Variants in ADAMTS9 observed in about 807,000 individuals in gnomAD.
The protein encoded by ADAMTS9 is A disintegrin and metalloproteinase with thrombospondin motifs 9.
Under a neutral mutation model 257.1 loss-of-function variants are expected in ADAMTS9, and 107 were observed. The observed-to-expected ratio is 0.42, with a 90% CI of 0.36 to 0.49. The LOEUF (loss-of-function observed/expected upper bound fraction) is 0.49. Ranked by LOEUF, ADAMTS9 falls within the 20% of genes least tolerant of loss-of-function variation. The pLI is 0.03. For synonymous variants in ADAMTS9, 982 were observed against 880.9 expected, an observed-to-expected ratio of 1.11 and a Z score of -2.03; for missense variants, 2,353 against 2,469.1, an observed-to-expected ratio of 0.95 and a Z score of 1.00.
At chr3:64,607,961 A>C (rs2084589083) in intron 22 of ADAMTS9, among the ~76,000 whole-genome samples, 1 of 152,196 alleles carries the variant, frequency 6.6e-6, no homozygotes, top group Non-Finnish European at 1.5e-5. Context: ...TGAGGCAAGA[A>C]ATCGGTAATA....
intron 30 of ADAMTS9, among the ~76,000 whole-genome samples, chr3:64,555,030 G>A (rs2083315301): frequency 6.6e-6 from 1 of 152,202 alleles, no homozygotes; most frequent in Admixed American, 6.5e-5. Flanking sequence ...CCGCTTGAGA[G>A]TCACAGGCTC....
chr3:64,521,974 G>C (rs886861447), intron 39 of ADAMTS9, among the ~76,000 whole-genome samples, 192 bp downstream of exon 39: 1 of 152,230 alleles, frequency 6.6e-6, no homozygotes, highest in African/African-American at 2.4e-5. Flanking sequence ...GGGAAGCCAT[G>C]TCTAATGGCA....
At chr3:64,585,666 G>C (rs1014530978) in intron 28 of ADAMTS9, among the ~76,000 whole-genome samples, 1 of 152,066 alleles carries the variant, frequency 6.6e-6, no homozygotes, top group African/African-American at 2.4e-5. Flanking sequence ...TCACCTGACT[G>C]GCTCTAATAA....
intron 22 of ADAMTS9, among the ~76,000 whole-genome samples, chr3:64,607,996 A>AT (rs1483351083): frequency 6.6e-6 from 1 of 152,192 alleles, no homozygotes; most frequent in Admixed American, 6.5e-5. Flanking sequence ...AAATTCACAA[A>AT]TATGTGAAAA....
intron 37 of ADAMTS9, among the ~76,000 whole-genome samples, chr3:64,536,394 G>A (rs1170293394): frequency 6.6e-6 from 1 of 152,186 alleles, no homozygotes; most frequent in Non-Finnish European, 1.5e-5. Context: ...ACCACCTTCT[G>A]TTGCCTATTC....
chr3:64,525,375 G>C (rs1402438978), intron 38 of ADAMTS9, among the ~76,000 whole-genome samples: 2 of 151,886 alleles, frequency 1.3e-5, no homozygotes, highest in Non-Finnish European at 2.9e-5. Flanking sequence ...TCCACCCTCT[G>C]CGCCTGCACA....
intron 12 of ADAMTS9, among the ~76,000 whole-genome samples, chr3:64,638,842 T>C (rs537579264): frequency 6.6e-6 from 1 of 151,966 alleles, no homozygotes; most frequent in South Asian, 2.1e-4. Flanking sequence ...GCTAAATAAA[T>C]ACACTCTTGA....
rs1178413407 is a variant in ADAMTS9 at position 64,601,963 on chromosome 3, C to A, written c.3998G>T (p.Arg1333Ile). The A allele has an allele frequency of 6.2e-7, 1 of 1,609,828 alleles. No homozygotes were observed. Among genetic ancestry groups the A allele is most frequent in the Non-Finnish European group, 8.5e-7 (1 of 1,177,534 alleles). ...RTHVLGGNQW[R>I]TGPWGACSST... is the part of the protein sequence containing the mutation. ...ACTCACTGCTCCCCAGGGGCCAGTT[C>A]TCCACTGGTTTCCACCGAGCACATG... Residue 1333 changes from arginine (R) to isoleucine (I), a missense_variant, in exon 26 of 40, where the codon AGA (arginine) becomes ATA (isoleucine). By Grantham distance (97) the Arg-to-Ile change is moderately conservative. Coordinates refer to ENST00000498707, the MANE Select transcript of ADAMTS9 (RefSeq NM_182920.2).
At chr3:64,573,841 T>A (rs2083762201) in intron 28 of ADAMTS9, among the ~76,000 whole-genome samples, 1 of 152,160 alleles carries the variant, frequency 6.6e-6, no homozygotes, top group Non-Finnish European at 1.5e-5. Context: ...TACCTACTAT[T>A]CCACTGAAGA....
Position 64,647,836 on chromosome 3 carries a change from C to T in ADAMTS9, c.1710+104G>A, listed in dbSNP as rs552925510. Reference sequence around the variant, plus strand: ...CTAAAAAATATTATGCAAGCTAAAACAGACTGCATTGTCTTATATTCTAAA... The same window carrying T: ...CTAAAAAATATTATGCAAGCTAAAATAGACTGCATTGTCTTATATTCTAAA... On this transcript the variant is annotated intron_variant, in intron 11 of 39. Transcript: ENST00000498707. 4 of 956,444 alleles carry T rather than the reference C, an allele frequency of 4.2e-6. No homozygotes were observed. In the African/African-American group the frequency reaches 6.6e-5, roughly 16 times the overall value. The allele number at this position is 956,444 out of a possible 1,614,324, so 59.2% of individuals were successfully genotyped here. A position where few individuals can be genotyped will look rare whatever the true frequency, so the allele number is the denominator to read the frequency against.
At chr3:64,604,472 C>T in intron 23 of ADAMTS9, 141 bp from the exon 24 acceptor site, 1 of 575,996 alleles carries the variant, frequency 1.7e-6, no homozygotes, top group Non-Finnish European at 3.0e-6. Context: ...AGTCACATGA[C>T]ATCTCTCAGT....
At chr3:64,635,626 C>G (rs892735662) in intron 12 of ADAMTS9, among the ~76,000 whole-genome samples, 9 of 152,108 alleles carry the variant, frequency 5.9e-5, no homozygotes, top group African/African-American at 2.2e-4. Flanking sequence ...AGTGACAGGA[C>G]GTTTAGAGAA....
chr3:64,530,372 A>T (rs959856449), intron 38 of ADAMTS9, among the ~76,000 whole-genome samples: 10 of 151,888 alleles, frequency 6.6e-5, no homozygotes, highest in Admixed American at 2.6e-4. Context: ...GCTTCTCTGG[A>T]CCACACGGGG....
At chr3:64,598,731 T>C (rs573144477) in intron 26 of ADAMTS9, among the ~76,000 whole-genome samples, 1 of 152,318 alleles carries the variant, frequency 6.6e-6, no homozygotes, top group Admixed American at 6.5e-5. Context: ...AGGAAGGGCC[T>C]TTCATGGTAT....
intron 8 of ADAMTS9, among the ~76,000 whole-genome samples, chr3:64,652,360 T>C (rs781767531): frequency 3.9e-5 from 6 of 152,242 alleles, no homozygotes; most frequent in Non-Finnish European, 8.8e-5. Flanking sequence ...AACTTAGAAA[T>C]AGTTCTTAAA....
At chr3:64,574,320 G>A (rs1005784457) in intron 28 of ADAMTS9, among the ~76,000 whole-genome samples, 2 of 152,136 alleles carry the variant, frequency 1.3e-5, no homozygotes, top group African/African-American at 2.4e-5. Context: ...GCAGTCTGGT[G>A]GCTCAGGAGC....
At chr3:64,605,659 C>T (rs1242419310) in intron 23 of ADAMTS9, among the ~76,000 whole-genome samples, 1 of 152,154 alleles carries the variant, frequency 6.6e-6, no homozygotes, top group African/African-American at 2.4e-5. Flanking sequence ...TATGTATTCT[C>T]TTTACATACA....
intron 4 of ADAMTS9, among the ~76,000 whole-genome samples, chr3:64,656,880 C>G (rs957451068): frequency 6.6e-6 from 1 of 151,846 alleles, no homozygotes; most frequent in Admixed American, 6.6e-5. Context: ...AAAGCTATGC[C>G]CAAACAGGAT....
chr3:64,622,610 T>C (rs555144537), intron 16 of ADAMTS9, 24 bp from the exon 17 acceptor site: 4 of 1,611,468 alleles, frequency 2.5e-6, no homozygotes, highest in Admixed American at 1.7e-5. Flanking sequence ...AACAGAATAA[T>C]ACATTGATCT....
Sources: gnomAD v4.1 joint callset for allele counts (sites outside exome capture counted in the v4.1 genomes callset) on GRCh38, gnomAD v4.1.1 for gene constraint, MANE v1.5 for transcripts, NCBI Gene and HGNC (gene_info 2026-07-23, HGNC 2026-07-21) for gene names.